Variants in PLEKHG1 observed in about 807,000 individuals in gnomAD.
PLEKHG1 encodes pleckstrin homology domain-containing family G member 1.
PLEKHG1 carries 44 observed loss-of-function variants against 100.8 expected under a neutral mutation model. The ratio of observed to expected loss-of-function variants is 0.44; its 90% CI spans 0.34 to 0.56. PLEKHG1 has a LOEUF of 0.56. Among genes scored for constraint, PLEKHG1 ranks in the 20% least tolerant of loss-of-function variants. The probability of loss-of-function intolerance (pLI) is 0.01; values close to 1 mark genes in which losing one functional copy is unlikely to be tolerated. For missense variants in PLEKHG1, 1,545 were observed against 1,720.9 expected, an observed-to-expected ratio of 0.90 and a Z score of 1.81; for synonymous variants, 640 against 662.5, an observed-to-expected ratio of 0.97 and a Z score of 0.52.
chr6:150,634,942 T>G (rs1777928864), intron 1 of PLEKHG1, among the ~76,000 whole-genome samples: 1 of 152,226 alleles, frequency 6.6e-6, no homozygotes, highest in Non-Finnish European at 1.5e-5. Flanking sequence ...GGAGCATTTT[T>G]GGGGGATGTA....
At chr6:150,821,058 G>A in intron 12 of PLEKHG1, 137 bp from the exon 14 acceptor site, 1 of 664,500 alleles carries the variant, frequency 1.5e-6, no homozygotes, top group Non-Finnish European at 2.7e-6. Context: ...TCTGAGCAAT[G>A]GGGATTTTGT....
intron 11 of PLEKHG1, 57 bp from the exon 13 acceptor site, chr6:150,819,622 T>C: frequency 1.1e-6 from 1 of 894,762 alleles, no homozygotes; most frequent in Non-Finnish European, 1.9e-6. Flanking sequence ...GCCATAACCA[T>C]TTTCTGAGAA....
At chr6:150,838,087 A>G (rs1234874201) in intron 15 of PLEKHG1, among the ~76,000 whole-genome samples, 1 of 152,198 alleles carries the variant, frequency 6.6e-6, no homozygotes, top group Non-Finnish European at 1.5e-5. Context: ...TAGAAGATAG[A>G]CTCAAAAGAA....
At chr6:150,666,604 C>T (rs145725961) in intron 3 of PLEKHG1, among the ~76,000 whole-genome samples, 2 of 152,070 alleles carry the variant, frequency 1.3e-5, no homozygotes, top group East Asian at 3.9e-4. Flanking sequence ...AAGACCTACT[C>T]CTAAGTATCT....
chr6:150,740,633 T>C (rs1309323474), intron 2 of PLEKHG1, among the ~76,000 whole-genome samples: 2 of 152,240 alleles, frequency 1.3e-5, no homozygotes, highest in Admixed American at 6.5e-5. Context: ...GGGATTGTTT[T>C]AAATGAAGGC....
At chr6:150,664,908 T>C (rs1391581359) in intron 3 of PLEKHG1, among the ~76,000 whole-genome samples, 1 of 152,190 alleles carries the variant, frequency 6.6e-6, no homozygotes. Flanking sequence ...CTGCTTTCCA[T>C]TCCTTTGTCT....
At chr6:150,779,320 C>T (rs1401271718) in intron 3 of PLEKHG1, among the ~76,000 whole-genome samples, 1 of 142,070 alleles carries the variant, frequency 7.0e-6, no homozygotes, top group Non-Finnish European at 1.5e-5. Context: ...ATTTAAAACA[C>T]AGGGGGTTAA....
chr6:150,731,758 C>T (rs1405141604), intron 1 of PLEKHG1, among the ~76,000 whole-genome samples: 1 of 152,040 alleles, frequency 6.6e-6, no homozygotes, highest in African/African-American at 2.4e-5. Context: ...TATCACAAGA[C>T]ATTTTGTTTC....
At chr6:150,744,654 G>T (rs1783054202) in intron 2 of PLEKHG1, among the ~76,000 whole-genome samples, 1 of 152,108 alleles carries the variant, frequency 6.6e-6, no homozygotes, top group African/African-American at 2.4e-5. Flanking sequence ...CAAGAACTTT[G>T]TGGCCATAGT....
At position 150,830,984 on chromosome 6, in the gene PLEKHG1, A is replaced by G. The variant is rs766229947; in HGVS notation, c.1873A>G (p.Ser625Gly). Residue 625 changes from serine (S) to glycine (G), a missense_variant, in exon 15 of 16, where the codon AGT (serine) becomes GGT (glycine). Transcript: ENST00000358517. ...CACATGCCCTCCTGAAATAGGAACT[A>G]GTGACAGAACTAGGGAACTGCAGAA... is the stretch of plus-strand genomic sequence containing the variant. The G allele has an allele frequency of 2.0e-5, 32 of 1,613,866 alleles. No homozygotes were observed. The East Asian group carries it at 6.5e-4, about 33-fold the overall frequency.
intron 1 of PLEKHG1, among the ~76,000 whole-genome samples, chr6:150,609,937 T>A (rs980103904): frequency 1.3e-5 from 2 of 152,058 alleles, no homozygotes; most frequent in African/African-American, 4.8e-5. Flanking sequence ...TCCAGCATCC[T>A]CTCTCCTTTA....
At chr6:150,679,696 A>T (rs1779870804) in intron 3 of PLEKHG1, among the ~76,000 whole-genome samples, 1 of 152,224 alleles carries the variant, frequency 6.6e-6, no homozygotes, top group Non-Finnish European at 1.5e-5. Context: ...GGCTGTGGGA[A>T]TTTGATGCAG....
intron 3 of PLEKHG1, among the ~76,000 whole-genome samples, chr6:150,695,165 T>C (rs1780496462): frequency 6.6e-6 from 1 of 152,218 alleles, no homozygotes; most frequent in Admixed American, 6.5e-5. Flanking sequence ...AAGTTTCTAT[T>C]CCAAAGAACA....
At chr6:150,820,039 T>C (rs1176901821) in intron 12 of PLEKHG1, among the ~76,000 whole-genome samples, 1 of 151,910 alleles carries the variant, frequency 6.6e-6, no homozygotes, top group African/African-American at 2.4e-5. Flanking sequence ...AGAAACCACA[T>C]CTCTAGTAAA....
intron 1 of PLEKHG1, among the ~76,000 whole-genome samples, chr6:150,627,981 G>T (rs371862068): frequency 6.6e-6 from 1 of 152,178 alleles, no homozygotes; most frequent in East Asian, 1.9e-4. Flanking sequence ...TTTAAGAACT[G>T]ATATGGGCCT....
chr6:150,823,295 A>G (rs1776408147), intron 13 of PLEKHG1, among the ~76,000 whole-genome samples: 1 of 152,360 alleles, frequency 6.6e-6, no homozygotes, highest in African/African-American at 2.4e-5. Flanking sequence ...ATCAGCAGAA[A>G]CAATATCATC....
upstream of PLEKHG1, among the ~76,000 whole-genome samples, chr6:150,717,206 AT>A (rs796220079): frequency 0.011 from 1,590 of 142,090 alleles, 34 homozygotes; most frequent in East Asian, 0.098. Context: ...TAATTTTTGT[AT>A]TTTTTTTTTT....
chr6:150,823,919 T>A (rs919689749), intron 14 of PLEKHG1, among the ~76,000 whole-genome samples: 18 of 152,254 alleles, frequency 1.2e-4, no homozygotes, highest in Non-Finnish European at 2.6e-4. Flanking sequence ...TTATTCATCC[T>A]CTGCCCCATA....
exon 16 of PLEKHG1, chr6:150,840,042 G>C: frequency 3.1e-6 from 5 of 1,614,172 alleles, no homozygotes; most frequent in Non-Finnish European, 4.2e-6. Context: ...TCTCCCACCA[G>C]AGCAAGACTT....
Sources: allele counts gnomAD v4.1 joint callset (sites outside exome capture counted in the v4.1 genomes callset), GRCh38; gene constraint gnomAD v4.1.1; transcripts MANE v1.5; gene names NCBI Gene and HGNC (gene_info 2026-07-23, HGNC 2026-07-21).